Variants in DLGAP4 observed in about 807,000 individuals in gnomAD.
The protein encoded by DLGAP4 is disks large-associated protein 4.
A neutral mutation model predicts 86.9 loss-of-function variants in DLGAP4; 18 were observed. The observed-to-expected ratio is 0.21, with a 90% CI of 0.14 to 0.31. The LOEUF (loss-of-function observed/expected upper bound fraction) is 0.31, where lower values mean the gene tolerates loss of function less well. DLGAP4 is among the 10% of genes least tolerant of loss of function. The pLI, the probability that DLGAP4 is intolerant of heterozygous loss-of-function variation, is 1.00. For synonymous variants in DLGAP4, 548 were observed against 574.3 expected (o/e 0.95, Z 0.65); for missense variants, 1,085 against 1,362.6 (o/e 0.80, Z 3.21).
intron 1 of DLGAP4, among the ~76,000 whole-genome samples, chr20:36,309,598 A>C (rs1187406049): frequency 1.3e-5 from 2 of 152,204 alleles, no homozygotes; most frequent in Non-Finnish European, 2.9e-5. Flanking sequence ...GTGGGACCCC[A>C]AAGTCTCTAC....
At chr20:36,365,973 T>C (rs766784904) in intron 1 of DLGAP4, among the ~76,000 whole-genome samples, 1 of 152,022 alleles carries the variant, frequency 6.6e-6, no homozygotes, top group Non-Finnish European at 1.5e-5. Flanking sequence ...ACCTGTAAAA[T>C]TGGAGGGGAG....
intron 5 of DLGAP4, 117 bp downstream of exon 5, chr20:36,439,985 G>A: frequency 1.2e-6 from 1 of 859,232 alleles, no homozygotes; most frequent in East Asian, 2.7e-5. Flanking sequence ...TCTGCACTGT[G>A]CTTCTGTTTG....
intron 1 of DLGAP4, among the ~76,000 whole-genome samples, chr20:36,361,978 CAAAA>C (rs545997891): frequency 9.3e-4 from 45 of 48,414 alleles, no homozygotes; most frequent in African/African-American, 3.1e-3. Flanking sequence ...GATTCTGTCT[CAAAA>C]AAAAAAAAAA....
At position 36,527,032 on chromosome 20, in the gene DLGAP4, G is replaced by T; in HGVS notation, c.*1G>T. The T allele has an allele frequency of 6.3e-7, 1 of 1,589,502 alleles. No homozygotes were observed. ...CCCGGAGGCCCAGACCAGGCTCTGA[G>T]ACCATGCAGGAGGAAAGAAACGATT... On this transcript the variant is annotated 3_prime_UTR_variant, in exon 13 of 13. Coordinates refer to ENST00000339266, the MANE Select transcript of DLGAP4 (RefSeq NM_001365621.2).
intron 10 of DLGAP4, among the ~76,000 whole-genome samples, chr20:36,519,444 G>A (rs746868485): frequency 4.3e-4 from 66 of 152,288 alleles, no homozygotes; most frequent in Non-Finnish European, 9.0e-4. Flanking sequence ...GTGCGTGTGC[G>A]TGCGTGCATG....
chr20:36,454,258 C>CAA lies in DLGAP4; in HGVS notation c.1648+7334_1648+7335dup, dbSNP rs11436010. 7.9e-3 allele frequency among the ~76,000 whole-genome samples: 1,073 copies of CAA among 135,866 alleles called. 9 individuals carry two copies. The highest frequency in any genetic ancestry group is 0.011 in the Non-Finnish European group (693 of 64,242). 89.1% of individuals were successfully genotyped at this position (135,866 alleles called of 152,430 possible). A position where few individuals can be genotyped will look rare whatever the true frequency, so the allele number is the denominator to read the frequency against. ...TGGGCGACAGAGCGAGACTCTGTCT[C>CAA]AAAAAAAAAAAAAAGATAGAAAGAA... is the stretch of plus-strand genomic sequence containing the variant. On this transcript the variant is annotated intron_variant, in intron 7 of 12. Coordinates refer to ENST00000339266, the MANE Select transcript of DLGAP4 (RefSeq NM_001365621.2).
At chr20:36,388,128 A>T (rs2031662769) in intron 2 of DLGAP4, among the ~76,000 whole-genome samples, 1 of 152,234 alleles carries the variant, frequency 6.6e-6, no homozygotes, top group South Asian at 2.1e-4. Flanking sequence ...TTGGCTATTG[A>T]GAACTGCCAC....
At chr20:36,352,540 G>A (rs1380219864) in intron 1 of DLGAP4, among the ~76,000 whole-genome samples, 2 of 152,110 alleles carry the variant, frequency 1.3e-5, no homozygotes, top group Non-Finnish European at 2.9e-5. Flanking sequence ...AGTGTGGGGC[G>A]AGAGAGAGGA....
chr20:36,517,185 C>T (rs2037092797), intron 10 of DLGAP4, among the ~76,000 whole-genome samples: 1 of 151,696 alleles, frequency 6.6e-6, no homozygotes, highest in Non-Finnish European at 1.5e-5. Context: ...TTGAGACTAG[C>T]CTGGCCAACA....
At chr20:36,455,923 CCTCTAGT>C (rs1456349084) in intron 7 of DLGAP4, among the ~76,000 whole-genome samples, 1 of 152,158 alleles carries the variant, frequency 6.6e-6, no homozygotes, top group African/African-American at 2.4e-5. Context: ...CAGCCCAACG[CCTCTAGT>C]CTCCACAGTG....
At position 36,307,136 on chromosome 20, in the gene DLGAP4, G is replaced by A. The variant is rs3922959; in HGVS notation, c.-304+624G>A. On this transcript the variant is annotated intron_variant, in intron 1 of 12. Transcript: ENST00000339266. ...GCACCCCCCTCCCGCGCTGCATAGCGCCCCCTCCCTGTTTGCGTCCCTGGG... is the reference window on the plus strand; with the variant it reads ...GCACCCCCCTCCCGCGCTGCATAGCACCCCCTCCCTGTTTGCGTCCCTGGG... Among the ~76,000 whole-genome samples, 444 of 152,180 alleles carry A rather than the reference G, an allele frequency of 2.9e-3. 3 individuals carry two copies. Among genetic ancestry groups the A allele is most frequent in the African/African-American group, 0.01 (432 of 41,540 alleles).
At chr20:36,347,354 G>C (rs1387695256) in intron 1 of DLGAP4, among the ~76,000 whole-genome samples, 2 of 152,166 alleles carry the variant, frequency 1.3e-5, no homozygotes, top group Admixed American at 6.5e-5. Context: ...TGTGTGGAAG[G>C]GGCAGAGAGA....
chr20:36,389,286 G>A lies in DLGAP4; in HGVS notation c.-73+22011G>A, dbSNP rs180793157. 3.0e-3 allele frequency among the ~76,000 whole-genome samples: 456 copies of A among 152,274 alleles called. 4 individuals carry two copies. The highest frequency in any genetic ancestry group is 7.1e-3 in the African/African-American group (294 of 41,540). On this transcript the variant is annotated intron_variant, in intron 2 of 12. Coordinates refer to ENST00000339266, the MANE Select transcript of DLGAP4 (RefSeq NM_001365621.2). ...CATAGACGTAGTTTTATTCTGAGAG[G>A]TAGGACAGCACAGTGGTTAAGAAGG...
At chr20:36,401,429 C>T (rs1397916739) in intron 2 of DLGAP4, among the ~76,000 whole-genome samples, 2 of 152,200 alleles carry the variant, frequency 1.3e-5, no homozygotes, top group African/African-American at 2.4e-5. Flanking sequence ...GTCTTTGCCA[C>T]GTGCTGCTGC....
intron 7 of DLGAP4, among the ~76,000 whole-genome samples, chr20:36,488,857 C>T (rs1486991784): frequency 6.6e-6 from 1 of 152,234 alleles, no homozygotes; most frequent in African/African-American, 2.4e-5. Context: ...CAGGCGTGAG[C>T]CACTGTGCCC....
At chr20:36,316,567 G>T (rs1288140943) in intron 1 of DLGAP4, among the ~76,000 whole-genome samples, 1 of 152,142 alleles carries the variant, frequency 6.6e-6, no homozygotes, top group African/African-American at 2.4e-5. Flanking sequence ...GACTGTAAGG[G>T]TCTCCCACCG....
Position 36,431,746 on chromosome 20 carries a change from G to T in DLGAP4, c.29G>T (p.Arg10Leu). Residue 10 changes from arginine (R) to leucine (L), a missense_variant, in exon 3 of 13, where the codon CGC becomes CTC. Arg to Leu is a moderately radical substitution (Grantham distance 102). Around this residue, in one of 2 missense-constraint regions of DLGAP4, gnomAD observed 1,082 missense variants for 1,344.1 expected, o/e 0.81. Coordinates refer to ENST00000339266, the MANE Select transcript of DLGAP4 (RefSeq NM_001365621.2). This position sits in a 1 kb window ranked among gnomAD's most constrained non-coding sequence, Gnocchi z 5.1. Reference sequence around the variant, plus strand: ...AAAGGCCTCGGTGACAGCCGCCCCCGCCACCTCTCCGACAGCCTAGACCCA... The same window carrying T: ...AAAGGCCTCGGTGACAGCCGCCCCCTCCACCTCTCCGACAGCCTAGACCCA... MKGLGDSRPRHLSDSLDPPH... is the reference protein window; with the variant it reads MKGLGDSRPLHLSDSLDPPH... 6.2e-7 allele frequency: 1 copy of T among 1,601,788 alleles called. No homozygotes were observed. Among genetic ancestry groups the T allele is most frequent in the South Asian group, 1.1e-5 (1 of 90,388 alleles).
At chr20:36,402,574 C>T (rs1428329353) in intron 2 of DLGAP4, among the ~76,000 whole-genome samples, 1 of 151,902 alleles carries the variant, frequency 6.6e-6, no homozygotes, top group Admixed American at 6.6e-5. Flanking sequence ...ACAGTGAGAC[C>T]CTGTCTCTAC....
chr20:36,451,018 G>A (rs1242814400), intron 7 of DLGAP4, among the ~76,000 whole-genome samples: 2 of 152,152 alleles, frequency 1.3e-5, no homozygotes, highest in Admixed American at 6.5e-5. Flanking sequence ...AAGAGAACTT[G>A]GAGAATATAG....
Sources: gnomAD v4.1 joint callset for allele counts (sites outside exome capture counted in the v4.1 genomes callset) on GRCh38, gnomAD v4.1.1 for gene constraint, gnomAD v4.1.1 regional missense constraint, Gnocchi (gnomAD v3.1) non-coding constraint, MANE v1.5 for transcripts, NCBI Gene and HGNC (gene_info 2026-07-23, HGNC 2026-07-21) for gene names.